FAM228B: variants seen among roughly 807,000 people sequenced by gnomAD.
FAM228B encodes the protein family with sequence similarity 228 member B, also known as protein FAM228B.
FAM228B carries 38 observed loss-of-function variants against 42.6 expected under a neutral mutation model. The ratio of observed to expected loss-of-function variants is 0.89; its 90% CI spans 0.69 to 1.17. The LOEUF is 1.17. Ranked by LOEUF, FAM228B falls within the 50% of genes most tolerant of loss-of-function variation. FAM228B has a pLI of 0.00. For missense variants in FAM228B, 344 were observed against 367.3 expected (o/e 0.94, Z 0.52); for synonymous variants, 109 against 122.3 (o/e 0.89, Z 0.72).
intron 3 of FAM228B, among the ~76,000 whole-genome samples, chr2:24,099,474 A>G (rs938259437): frequency 6.6e-6 from 1 of 152,182 alleles, no homozygotes; most frequent in African/African-American, 2.4e-5. Flanking sequence ...CCTATACGCC[A>G]TTAACAGACA....
chr2:24,083,197 C>G, intron 2 of FAM228B: 1 of 1,532,110 alleles, frequency 6.5e-7, no homozygotes, highest in Non-Finnish European at 8.8e-7. Context: ...GATCAGAAAT[C>G]TGTATGTCAC....
intron 1 of FAM228B, among the ~76,000 whole-genome samples, chr2:24,078,421 A>G (rs948471283): frequency 6.7e-6 from 1 of 149,598 alleles, no homozygotes; most frequent in African/African-American, 2.5e-5. Context: ...TTAGCTACCC[A>G]GGAGGCTGAT....
intron 3 of FAM228B, among the ~76,000 whole-genome samples, chr2:24,105,572 A>G (rs1665684975): frequency 6.6e-6 from 1 of 152,234 alleles, no homozygotes; most frequent in African/African-American, 2.4e-5. Context: ...TTTCCTCCAA[A>G]TGACCACACT....
chr2:24,145,242 G>C (rs899031408), intron 5 of FAM228B, among the ~76,000 whole-genome samples: 2 of 152,172 alleles, frequency 1.3e-5, no homozygotes, highest in African/African-American at 4.8e-5. Flanking sequence ...AGGCACCCTT[G>C]GCCTGCCACT....
chr2:24,139,298 T>G (rs1312017028), intron 4 of FAM228B, 72 bp from the exon 5 acceptor site: 1 of 852,144 alleles, frequency 1.2e-6, no homozygotes, highest in African/African-American at 1.7e-5. Context: ...TGTTTGACTC[T>G]CAAGTCCTGA....
chr2:24,077,322 G>T lies in FAM228B; in HGVS notation c.-290+353G>T. 1 of 356,804 alleles carries T rather than the reference G, an allele frequency of 2.8e-6. No homozygotes were observed. Among genetic ancestry groups the T allele is most frequent in the Non-Finnish European group, 5.2e-6 (1 of 193,900 alleles). The allele number at this position is 356,804 out of a possible 1,614,324, so 22.1% of individuals were successfully genotyped here. On this transcript the variant is annotated intron_variant, in intron 1 of 10. Coordinates refer to the FAM228B transcript ENST00000613899. The surrounding 1 kb of genome is among the most constrained non-coding windows in gnomAD (Gnocchi z 5.5). ...TATACCCAGAATCTCCGTCCCTGGA[G>T]GGGCCCTCAGGTTGAGCGTCAGCTG... is the stretch of plus-strand genomic sequence containing the variant.
At position 24,084,307 on chromosome 2, in the gene FAM228B, T is replaced by C. The variant is rs779239038; in HGVS notation, c.-210+3352T>C. The stretch of plus-strand genomic sequence containing the variant: ...GAGGTTTTCCGGTCCTCCCGGCTTG[T>C]CAAAGTGCACGGCTAACATATTGTC... On this transcript the variant is annotated intron_variant, in intron 2 of 10. Coordinates refer to the FAM228B transcript ENST00000613899. This position sits in a 1 kb window ranked among gnomAD's most constrained non-coding sequence, Gnocchi z 8.4. The C allele has an allele frequency of 3.1e-6, 5 of 1,613,870 alleles. No individual in the cohort carries two copies. The highest frequency in any genetic ancestry group is 4.2e-6 in the Non-Finnish European group (5 of 1,179,942).
chr2:24,133,566 A>G (rs1666507089), intron 2 of FAM228B, among the ~76,000 whole-genome samples: 1 of 152,234 alleles, frequency 6.6e-6, no homozygotes, highest in Non-Finnish European at 1.5e-5. Context: ...ATGTAATTAC[A>G]TGAGGATCTC....
rs1211407071 is a variant in FAM228B, at chr2:24,169,293, T to C, written c.*15-63T>C. On this transcript the variant is annotated intron_variant, in intron 10 of 10. Coordinates refer to ENST00000615575, the MANE Select transcript of FAM228B (RefSeq NM_001145710.2). The surrounding 1 kb of genome is among the most constrained non-coding windows in gnomAD (Gnocchi z 4.2). The stretch of plus-strand genomic sequence containing the variant: ...CTCAGCTTAGCTGGGGAACGCTTTC[T>C]GCTCTCGTAAGCCCCTCATCCCCAT... 1 of 434,230 alleles carries C rather than the reference T, an allele frequency of 2.3e-6. No individual in the cohort carries two copies. Among genetic ancestry groups the C allele is most frequent in the East Asian group, 7.3e-5 (1 of 13,668 alleles). 26.9% of individuals were successfully genotyped at this position (434,230 alleles called of 1,614,324 possible). A position where few individuals can be genotyped will look rare whatever the true frequency, so the allele number is the denominator to read the frequency against.
chr2:24,080,824 G>A lies in FAM228B; in HGVS notation c.-289-52G>A. 2 of 1,614,126 alleles carry A rather than the reference G, an allele frequency of 1.2e-6. No individual in the cohort carries two copies. The highest frequency in any genetic ancestry group is 1.3e-5 in the African/African-American group (1 of 75,012). On this transcript the variant is annotated intron_variant, in intron 1 of 10. Coordinates refer to the FAM228B transcript ENST00000613899. This position sits in a 1 kb window ranked among gnomAD's most constrained non-coding sequence, Gnocchi z 4.7. ...CTGTAGAAGCAGTTGTTTACCTTTG[G>A]TGAATTTCAGCGTTGCTTCAGAGAA...
intron 1 of FAM228B, among the ~76,000 whole-genome samples, chr2:24,078,049 A>C (rs1470323003): frequency 6.6e-6 from 1 of 152,210 alleles, no homozygotes; most frequent in Non-Finnish European, 1.5e-5. Context: ...AGCAAGTCAT[A>C]AAGATTCCTC....
chr2:24,142,110 C>G (rs1666766103), intron 5 of FAM228B, among the ~76,000 whole-genome samples: 1 of 152,190 alleles, frequency 6.6e-6, no homozygotes, highest in South Asian at 2.1e-4. Context: ...CTTTATGGAC[C>G]TGGCACTTCC....
At chr2:24,100,749 A>C (rs549182293) in intron 3 of FAM228B, among the ~76,000 whole-genome samples, 112 of 152,330 alleles carry the variant, frequency 7.4e-4, no homozygotes, top group Middle Eastern at 6.8e-3. Flanking sequence ...TTGACCCAGC[A>C]ATCCCATTAC....
intron 7 of FAM228B, among the ~76,000 whole-genome samples, chr2:24,153,485 G>A (rs115995068): frequency 0.01 from 1,572 of 152,226 alleles, 17 homozygotes; most frequent in Admixed American, 0.016. Flanking sequence ...TAGAAATGTC[G>A]TCCCAAAGCT....
chr2:24,094,415 A>G (rs1032747556), intron 2 of FAM228B, among the ~76,000 whole-genome samples: 7 of 152,120 alleles, frequency 4.6e-5, no homozygotes, highest in Non-Finnish European at 8.8e-5. Flanking sequence ...ATTCACCTGA[A>G]ATATAAATAG....
At chr2:24,146,707 A>C (rs780413380) in intron 5 of FAM228B, 41 bp from the exon 6 acceptor site, 19 of 1,394,384 alleles carry the variant, frequency 1.4e-5, no homozygotes, top group Non-Finnish European at 1.9e-5. Context: ...TTTACTACTC[A>C]GACTTGCAAC....
chr2:24,131,312 C>A (rs538845476), intron 2 of FAM228B, among the ~76,000 whole-genome samples: 2 of 152,216 alleles, frequency 1.3e-5, no homozygotes, highest in East Asian at 3.9e-4. Flanking sequence ...GCTATATGGG[C>A]TCTTTTTTGG....
intron 2 of FAM228B, among the ~76,000 whole-genome samples, chr2:24,088,022 C>T (rs1334037424): frequency 6.6e-6 from 1 of 151,988 alleles, no homozygotes; most frequent in Admixed American, 6.6e-5. Flanking sequence ...GGATTACAGG[C>T]GTGAGCCACT....
chr2:24,147,916 C>CTTTTTTTTTTTTTTTTTTTTTTTTT (rs34823316), intron 7 of FAM228B, among the ~76,000 whole-genome samples: 1 of 119,198 alleles, frequency 8.4e-6, no homozygotes, highest in Non-Finnish European at 1.8e-5. Flanking sequence ...TTTGCCTTGC[C>CTTTTTTTTTTTTTTTTTTTTTTTTT]TTTTTTTTTT....
Sources: allele counts gnomAD v4.1 joint callset (sites outside exome capture counted in the v4.1 genomes callset), GRCh38; gene constraint gnomAD v4.1.1; non-coding constraint Gnocchi (gnomAD v3.1); transcripts MANE v1.5; gene names NCBI Gene and HGNC (gene_info 2026-07-23, HGNC 2026-07-21).